PPP2R2B: variants seen among roughly 807,000 people sequenced by gnomAD.
PPP2R2B encodes protein phosphatase 2 regulatory subunit Bbeta.
A neutral mutation model predicts 46.0 loss-of-function variants in PPP2R2B; 5 were observed. That is an observed-to-expected ratio of 0.11 (90% CI 0.06 to 0.23). PPP2R2B has a LOEUF of 0.23. PPP2R2B is among the 10% of genes least tolerant of loss of function. PPP2R2B has a pLI of 1.00. For synonymous variants in PPP2R2B, 215 were observed against 206.7 expected (o/e 1.04, Z -0.34); for missense variants, 367 against 575.0 (o/e 0.64, Z 3.70).
chr5:146,879,319 C>T (rs1031086596), upstream of PPP2R2B: 1 of 152,308 alleles, frequency 6.6e-6, no homozygotes, highest in Middle Eastern at 3.4e-3. Context: ...GTCAAAATAC[C>T]TTCTAACTGT....
chr5:146,951,974 C>CTTT (rs34746460), intron 1 of PPP2R2B, among the ~76,000 whole-genome samples: 2 of 127,530 alleles, frequency 1.6e-5, no homozygotes, highest in African/African-American at 2.8e-5. Flanking sequence ...TACATAGAAT[C>CTTT]TTTTTTTTTT....
At chr5:147,068,910 T>A (rs1367834189) in intron 2 of PPP2R2B, among the ~76,000 whole-genome samples, 1 of 152,178 alleles carries the variant, frequency 6.6e-6, no homozygotes, top group African/African-American at 2.4e-5. Flanking sequence ...GCCATAATTT[T>A]GGGAAAGGTT....
intron 1 of PPP2R2B, among the ~76,000 whole-genome samples, chr5:146,976,108 T>TTATTATTA (rs1752890559): frequency 8.4e-5 from 11 of 130,682 alleles, no homozygotes; most frequent in African/African-American, 2.7e-4. Context: ...TTTTAAAAAA[T>TTATTATTA]TTATTATTAT....
chr5:146,945,793 G>A (rs374753032), intron 1 of PPP2R2B, among the ~76,000 whole-genome samples: 4 of 152,146 alleles, frequency 2.6e-5, no homozygotes, highest in Non-Finnish European at 5.9e-5. Flanking sequence ...AAGGCAATTC[G>A]ATTTGAGAAA....
chr5:147,078,195 T>A (rs975454158), intron 2 of PPP2R2B, among the ~76,000 whole-genome samples: 2 of 152,218 alleles, frequency 1.3e-5, no homozygotes, highest in Non-Finnish European at 2.9e-5. Flanking sequence ...AGGGTCTAAT[T>A]ATAATATTTA....
At chr5:146,858,870 T>A (rs192295389) in intron 2 of PPP2R2B, among the ~76,000 whole-genome samples, 1 of 152,108 alleles carries the variant, frequency 6.6e-6, no homozygotes, top group Non-Finnish European at 1.5e-5. Flanking sequence ...AGAGTAACAA[T>A]GAGTGACTTT....
chr5:146,773,956 C>T (rs531902989), intron 2 of PPP2R2B, among the ~76,000 whole-genome samples: 7 of 152,308 alleles, frequency 4.6e-5, no homozygotes, highest in African/African-American at 1.7e-4. Context: ...ATTCCCACTG[C>T]AACCCGTCGT....
chr5:146,811,123 C>T (rs933390125), intron 2 of PPP2R2B, among the ~76,000 whole-genome samples: 3 of 152,126 alleles, frequency 2.0e-5, no homozygotes, highest in African/African-American at 7.2e-5. Context: ...CCTGCCTCAG[C>T]CTCCCGAGTA....
At chr5:146,724,173 T>C (rs994251021) in intron 2 of PPP2R2B, among the ~76,000 whole-genome samples, 4 of 152,178 alleles carry the variant, frequency 2.6e-5, no homozygotes, top group Non-Finnish European at 5.9e-5. Flanking sequence ...AATGAAAACA[T>C]AGTGGTGTTA....
chr5:146,676,828 T>C (rs1159888948), intron 5 of PPP2R2B, among the ~76,000 whole-genome samples: 2 of 152,218 alleles, frequency 1.3e-5, no homozygotes, highest in African/African-American at 4.8e-5. Flanking sequence ...AATTAGTTTT[T>C]AAAATGCATA....
intron 1 of PPP2R2B, among the ~76,000 whole-genome samples, chr5:146,987,320 C>A (rs1277158154): frequency 6.6e-6 from 1 of 151,984 alleles, no homozygotes; most frequent in African/African-American, 2.4e-5. Context: ...AAGAAAACAT[C>A]TGAAGAAATA....
At chr5:146,848,740 CATG>C (rs1561956588) in intron 2 of PPP2R2B, among the ~76,000 whole-genome samples, 2 of 152,170 alleles carry the variant, frequency 1.3e-5, no homozygotes, top group Non-Finnish European at 2.9e-5. Flanking sequence ...AGAAAGAAGT[CATG>C]ATGTACAGCT....
At chr5:146,949,211 C>T (rs761783661) in intron 1 of PPP2R2B, among the ~76,000 whole-genome samples, 2 of 151,882 alleles carry the variant, frequency 1.3e-5, no homozygotes, top group Non-Finnish European at 2.9e-5. Context: ...AGTGAAGAGA[C>T]AACCAACATA....
At chr5:146,703,723 G>A (rs1246040739) in intron 2 of PPP2R2B, among the ~76,000 whole-genome samples, 1 of 152,186 alleles carries the variant, frequency 6.6e-6, no homozygotes, top group Non-Finnish European at 1.5e-5. Flanking sequence ...AACAAGGCAG[G>A]ATTCAAGTGG....
intron 2 of PPP2R2B, among the ~76,000 whole-genome samples, chr5:146,830,169 C>T (rs765057440): frequency 3.3e-5 from 5 of 152,278 alleles, no homozygotes; most frequent in Non-Finnish European, 5.9e-5. Flanking sequence ...ATATTAGAGA[C>T]ATCTGGGTTT....
At chr5:146,829,042 G>A (rs1758756072) in intron 2 of PPP2R2B, among the ~76,000 whole-genome samples, 1 of 151,998 alleles carries the variant, frequency 6.6e-6, no homozygotes, top group African/African-American at 2.4e-5. Flanking sequence ...ACCTTTTTAT[G>A]GAAAGAAAAA....
chr5:146,884,339 T>C (rs1431906846), intron 1 of PPP2R2B, among the ~76,000 whole-genome samples: 2 of 152,112 alleles, frequency 1.3e-5, no homozygotes, highest in Non-Finnish European at 2.9e-5. Flanking sequence ...CCCATATCCA[T>C]CAGAGGAAAA....
chr5:147,051,877 C>T (rs922423679), intron 1 of PPP2R2B, among the ~76,000 whole-genome samples: 1 of 150,308 alleles, frequency 6.7e-6, no homozygotes, highest in Non-Finnish European at 1.5e-5. Context: ...ATTCTCCTGC[C>T]TCAGCCTCCC....
chr5:147,055,322 C>G (rs1199388558), intron 1 of PPP2R2B, among the ~76,000 whole-genome samples: 1 of 152,228 alleles, frequency 6.6e-6, no homozygotes, highest in Non-Finnish European at 1.5e-5. Context: ...TATGTGGCAG[C>G]ACCTACTGAT....
Sources: gnomAD v4.1 joint callset for allele counts (sites outside exome capture counted in the v4.1 genomes callset) on GRCh38, gnomAD v4.1.1 for gene constraint, MANE v1.5 for transcripts, NCBI Gene and HGNC (gene_info 2026-07-23, HGNC 2026-07-21) for gene names.